The following STK32B variants were observed in gnomAD, a reference collection of about 807,000 sequenced individuals.
STK32B encodes serine/threonine-protein kinase 32B.
In STK32B, 43 loss-of-function variants were observed where a neutral mutation model predicts 52.6. That is an observed-to-expected ratio of 0.82 (90% confidence interval 0.64 to 1.05). The LOEUF (loss-of-function observed/expected upper bound fraction) is 1.05, where lower values mean the gene tolerates loss of function less well. Among genes scored for constraint, STK32B ranks in the 50% least tolerant of loss-of-function variants. The probability of loss-of-function intolerance (pLI) is 0.00; values close to 1 mark genes in which losing one functional copy is unlikely to be tolerated. For missense variants in STK32B, 621 were observed against 534.6 expected, an observed-to-expected ratio of 1.16 and a Z score of -1.59; for synonymous variants, 238 against 204.3, an observed-to-expected ratio of 1.17 and a Z score of -1.41.
At chr4:5,330,969 C>T (rs1409145848) in intron 3 of STK32B, among the ~76,000 whole-genome samples, 1 of 152,074 alleles carries the variant, frequency 6.6e-6, no homozygotes, top group Non-Finnish European at 1.5e-5. Flanking sequence ...CTGCCAGAGC[C>T]TGGGAACTAA....
At chr4:5,078,735 C>A (rs1036945543) in intron 1 of STK32B, among the ~76,000 whole-genome samples, 3 of 152,296 alleles carry the variant, frequency 2.0e-5, no homozygotes, top group African/African-American at 7.2e-5. Flanking sequence ...GTTTCCCTGC[C>A]TGGCCTTGGC....
At chr4:5,341,477 C>G (rs1733070792) in intron 4 of STK32B, among the ~76,000 whole-genome samples, 1 of 152,216 alleles carries the variant, frequency 6.6e-6, no homozygotes, top group African/African-American at 2.4e-5. Flanking sequence ...TAGGTTCTCA[C>G]TTTATTCCTC....
At chr4:5,436,832 A>G (rs4689229) in intron 6 of STK32B, among the ~76,000 whole-genome samples, 14,287 of 152,120 alleles carry the variant, frequency 0.094, 1,016 homozygotes, top group East Asian at 0.4. Context: ...CCCAGTGTCC[A>G]ATTCTAATAA....
intron 3 of STK32B, among the ~76,000 whole-genome samples, chr4:5,316,299 ATAAT>A (rs1730723099): frequency 1.6e-5 from 1 of 63,054 alleles, no homozygotes; most frequent in South Asian, 4.7e-4. Flanking sequence ...AATATTATAT[ATAAT>A]ATATATATTG....
rs1736296329 is a variant in STK32B at position 5,386,982 on chromosome 4, G to C, written c.435-11225G>C. On this transcript the variant is annotated intron_variant, in intron 4 of 11. Transcript: ENST00000282908. This position sits in a 1 kb window ranked among gnomAD's most constrained non-coding sequence, Gnocchi z 4.5. Reference sequence around the variant, plus strand: ...AGCATCTCACAGGCCCAGCCACTTGGAGCCCGCTGGGAAGGCTGGATCCAG... The same window carrying C: ...AGCATCTCACAGGCCCAGCCACTTGCAGCCCGCTGGGAAGGCTGGATCCAG... Among the ~76,000 whole-genome samples, 1 of 152,228 alleles carries C rather than the reference G, an allele frequency of 6.6e-6. No homozygotes were observed. Among genetic ancestry groups the C allele is most frequent in the Non-Finnish European group, 1.5e-5 (1 of 68,034 alleles).
the STK32B span, among the ~76,000 whole-genome samples, chr4:5,032,063 T>C: frequency 2.6e-5 from 4 of 152,044 alleles, no homozygotes; most frequent in Non-Finnish European, 4.4e-5. Flanking sequence ...AGAATTGACT[T>C]AGCTAAACAA....
At chr4:5,093,225 A>T (rs541411550) in intron 1 of STK32B, among the ~76,000 whole-genome samples, 1 of 152,248 alleles carries the variant, frequency 6.6e-6, no homozygotes, top group Non-Finnish European at 1.5e-5. Flanking sequence ...CATAAAATGT[A>T]TACAAATCTA....
intron 8 of STK32B, among the ~76,000 whole-genome samples, chr4:5,459,294 C>CT (rs1716846263): frequency 7.8e-6 from 1 of 128,838 alleles, no homozygotes; most frequent in African/African-American, 2.8e-5. Context: ...CCCCCCCCCC[C>CT]ACCTTTCTAA....
chr4:5,178,056 C>G (rs529800363), intron 3 of STK32B, among the ~76,000 whole-genome samples: 8 of 152,354 alleles, frequency 5.3e-5, no homozygotes, highest in Non-Finnish European at 2.9e-5. Context: ...AGTGGGGACT[C>G]TGTGTGGGGG....
chr4:5,425,108 G>A (rs908610594), intron 6 of STK32B, among the ~76,000 whole-genome samples: 11 of 152,222 alleles, frequency 7.2e-5, no homozygotes, highest in Admixed American at 1.3e-4. Context: ...CCCCATGCTC[G>A]CTTGCTCACA....
chr4:5,315,856 C>T (rs1403137285), intron 3 of STK32B, among the ~76,000 whole-genome samples: 2 of 150,916 alleles, frequency 1.3e-5, no homozygotes, highest in African/African-American at 2.4e-5. Flanking sequence ...AGGTGCATGC[C>T]ACCACGCCCA....
At chr4:5,232,413 ACTG>A (rs1724335587) in intron 3 of STK32B, among the ~76,000 whole-genome samples, 1 of 152,270 alleles carries the variant, frequency 6.6e-6, no homozygotes, top group African/African-American at 2.4e-5. Flanking sequence ...AATCACAGAC[ACTG>A]CTAATGCAAC....
intron 3 of STK32B, among the ~76,000 whole-genome samples, chr4:5,223,628 A>T (rs1305636944): frequency 6.6e-6 from 1 of 151,912 alleles, no homozygotes; most frequent in Non-Finnish European, 1.5e-5. Flanking sequence ...CCTGGTTAAC[A>T]TGGTGAAACC....
chr4:5,346,288 G>C (rs1392387518), intron 4 of STK32B, among the ~76,000 whole-genome samples: 1 of 152,156 alleles, frequency 6.6e-6, no homozygotes, highest in Admixed American at 6.5e-5. Context: ...TTTGACAAAG[G>C]CTCATCGCTC....
chr4:5,342,273 C>T (rs1733134985), intron 4 of STK32B, among the ~76,000 whole-genome samples: 1 of 152,132 alleles, frequency 6.6e-6, no homozygotes, highest in Non-Finnish European at 1.5e-5. Flanking sequence ...TGTCACTATT[C>T]ACAACAGCAA....
rs144812736 is a variant in STK32B at position 5,398,072 on chromosome 4, C to A, written c.435-135C>A. 1.6e-4 allele frequency: 131 copies of A among 825,382 alleles called. 1 individual carries two copies. In the East Asian group the frequency reaches 2.0e-3, roughly 13 times the overall value. The allele number at this position is 825,382 out of a possible 1,614,324, so 51.1% of individuals were successfully genotyped here. On this transcript the variant is annotated intron_variant, in intron 4 of 11. Transcript: ENST00000282908. The surrounding 1 kb of genome is among the most constrained non-coding windows in gnomAD (Gnocchi z 4.9). ...TTATCTTACCAATTATTCTCCCACT[C>A]CATGTCTGAGGCTTCAGGTCAGGGA...
At position 5,181,366 on chromosome 4, in the gene STK32B, A is replaced by ACG. The variant is rs1553846008; in HGVS notation, c.260+12917_260+12918insGC. 9.2e-3 allele frequency among the ~76,000 whole-genome samples: 908 copies of ACG among 98,492 alleles called. 7 individuals carry two copies. The highest frequency in any genetic ancestry group is 0.025 in the African/African-American group (842 of 33,860). 64.6% of individuals were successfully genotyped at this position (98,492 alleles called of 152,430 possible). On this transcript the variant is annotated intron_variant, in intron 3 of 11. Transcript: ENST00000282908. ...CACACACACACACACACACACACAC[A>ACG]CAGAGATCTCATTAAGGATGCAGCA...
intron 4 of STK32B, among the ~76,000 whole-genome samples, chr4:5,333,704 G>C (rs940099437): frequency 2.0e-5 from 3 of 152,188 alleles, no homozygotes; most frequent in Non-Finnish European, 2.9e-5. Context: ...TGGCTAGCCA[G>C]TTTTCCCAGC....
Position 5,446,761 on chromosome 4 carries a change from G to C in STK32B, c.651G>C (p.Glu217Asp). The stretch of plus-strand genomic sequence containing the variant: ...GGTCCCTGGGCATCACAGCCTATGA[G>C]CTGCTGCGGGGCTGGGTAAGACAGG... The part of the protein sequence containing the change: ...DWWSLGITAY[E>D]LLRGWRPYEI... The change falls in exon 7 of 12, where the codon GAG becomes GAC. Residue 217 changes from glutamate to aspartate, a missense_variant. Coordinates refer to ENST00000282908, the MANE Select transcript of STK32B (RefSeq NM_018401.3). 6.2e-7 allele frequency: 1 copy of C among 1,614,056 alleles called. No individual in the cohort carries two copies. Among genetic ancestry groups the C allele is most frequent in the Non-Finnish European group, 8.5e-7 (1 of 1,179,982 alleles).
Sources: gnomAD v4.1 joint callset for allele counts (sites outside exome capture counted in the v4.1 genomes callset) on GRCh38, gnomAD v4.1.1 for gene constraint, Gnocchi (gnomAD v3.1) non-coding constraint, MANE v1.5 for transcripts, NCBI Gene and HGNC (gene_info 2026-07-23, HGNC 2026-07-21) for gene names.